The following PGAP2 variants were observed in gnomAD, a reference collection of about 807,000 sequenced individuals.
PGAP2 encodes the protein acyltransferase PGAP2.
PGAP2 carries 21 observed loss-of-function variants against 33.2 expected under a neutral mutation model. That is an observed-to-expected ratio of 0.63 (90% CI 0.45 to 0.91). The LOEUF is 0.91. Among genes scored for constraint, PGAP2 ranks in the 40% least tolerant of loss-of-function variants. The probability of loss-of-function intolerance (pLI) is 0.00; values close to 1 mark genes in which losing one functional copy is unlikely to be tolerated. For missense variants in PGAP2, 345 were observed against 424.0 expected (o/e 0.81, Z 1.64); for synonymous variants, 161 against 172.9 (o/e 0.93, Z 0.54).
At chr11:3,814,810 TTC>T (rs201133403) in intron 2 of PGAP2, among the ~76,000 whole-genome samples, 91 of 123,876 alleles carry the variant, frequency 7.3e-4, no homozygotes, top group African/African-American at 1.9e-3. Context: ...CTTTCTTTCT[TTC>T]TCTTTCTTTC....
chr11:3,798,868 C>T (rs1459725184), intron 1 of PGAP2, among the ~76,000 whole-genome samples: 1 of 152,084 alleles, frequency 6.6e-6, no homozygotes. Context: ...GTCTCGAACT[C>T]CGGAACTCAG....
upstream of PGAP2, among the ~76,000 whole-genome samples, chr11:3,805,976 CG>C (rs983361076): frequency 0.069 from 7 of 102 alleles, no homozygotes; most frequent in African/African-American, 0.11. Flanking sequence ...TGAGCCACCA[CG>C]CCCCCGCGAG....
chr11:3,824,939 C>T (rs2089743875), intron 5 of PGAP2, 81 bp from the exon 6 acceptor site: 1 of 1,594,026 alleles, frequency 6.3e-7, no homozygotes, highest in Non-Finnish European at 8.5e-7. Flanking sequence ...AAGGCCCAGC[C>T]CTTAGGAGTT....
chr11:3,808,510 G>A (rs1366319471), upstream of PGAP2: 5 of 1,397,060 alleles, frequency 3.6e-6, no homozygotes, highest in Non-Finnish European at 9.3e-7. Context: ...GGATCTGGGC[G>A]CAGTTTCCTC....
Position 3,811,505 on chromosome 11 carries a change from A to G in PGAP2, c.165+81A>G, listed in dbSNP as rs1196498772. ...ATCTTGAATATCTTTTAACAAGATT[A>G]GCCAGCTCTCCACTGGGGCCCATCA... On this transcript the variant is annotated intron_variant, in intron 2 of 6. Transcript: ENST00000278243. The surrounding 1 kb of genome is among the most constrained non-coding windows in gnomAD (Gnocchi z 4.6). 4 of 1,354,978 alleles carry G rather than the reference A, an allele frequency of 3.0e-6. No individual in the cohort carries two copies. In the African/African-American group the frequency reaches 4.3e-5, roughly 15 times the overall value. 83.9% of individuals were successfully genotyped at this position (1,354,978 alleles called of 1,614,324 possible). A position where few individuals can be genotyped will look rare whatever the true frequency, so the allele number is the denominator to read the frequency against.
rs1485248986 is a variant in PGAP2, at chr11:3,825,028, G to A, written c.717G>A (p.Lys239=). 4.3e-6 allele frequency: 7 copies of A among 1,614,204 alleles called. No individual in the cohort carries two copies. In the East Asian group the frequency reaches 1.6e-4, roughly 36 times the overall value. ...KKHTVSQEDR[K]SYSWKQRLFI... Reference sequence around the variant, plus strand: ...GACAGCCCATTCCCTAGGATCGCAAGTCCTACAGCTGGAAACAGCGGCTCT... The same window carrying A: ...GACAGCCCATTCCCTAGGATCGCAAATCCTACAGCTGGAAACAGCGGCTCT... Residue 239 remains lysine, a synonymous_variant, in exon 6 of 7, where the codon AAG becomes AAA. Coordinates refer to ENST00000278243, the MANE Select transcript of PGAP2 (RefSeq NM_014489.4).
chr11:3,810,409 T>G (rs993668245), intron 1 of PGAP2, among the ~76,000 whole-genome samples: 1 of 152,206 alleles, frequency 6.6e-6, no homozygotes, highest in African/African-American at 2.4e-5. Context: ...TTCTGTATAC[T>G]GTGCGGAGCT....
At chr11:3,821,929 C>G (rs2088780469) in intron 3 of PGAP2, among the ~76,000 whole-genome samples, 1 of 150,834 alleles carries the variant, frequency 6.6e-6, no homozygotes, top group Non-Finnish European at 1.5e-5. Flanking sequence ...AAAAAATTAG[C>G]CAGGCATGGT....
intron 3 of PGAP2, chr11:3,817,889 C>CA (rs769211190): frequency 4.3e-6 from 2 of 470,222 alleles, no homozygotes; most frequent in South Asian, 3.1e-5. Flanking sequence ...ACAAAAAATG[C>CA]AAAAAAATTA....
chr11:3,823,015 T>TC, intron 3 of PGAP2: 1 of 998,672 alleles, frequency 1.0e-6, no homozygotes, highest in Admixed American at 3.0e-5. Context: ...CCACTTTCTT[T>TC]TTTCTTTTCT....
chr11:3,799,433 C>A (rs1199758709), intron 1 of PGAP2, among the ~76,000 whole-genome samples: 1 of 152,008 alleles, frequency 6.6e-6, no homozygotes, highest in Non-Finnish European at 1.5e-5. Flanking sequence ...AGCTGCTTCT[C>A]GGTTTGCTGA....
At chr11:3,822,086 C>G (rs576327908) in intron 3 of PGAP2, among the ~76,000 whole-genome samples, 2 of 151,466 alleles carry the variant, frequency 1.3e-5, no homozygotes, top group South Asian at 4.2e-4. Context: ...ACAAAACGGC[C>G]GGGCGCAGTG....
At chr11:3,801,188 T>C (rs2083393212) in intron 1 of PGAP2, among the ~76,000 whole-genome samples, 1 of 151,834 alleles carries the variant, frequency 6.6e-6, no homozygotes, top group Non-Finnish European at 1.5e-5. Context: ...AATTTCCTAA[T>C]CCCTCTGAAC....
chr11:3,799,925 G>A (rs184581353), intron 1 of PGAP2, among the ~76,000 whole-genome samples: 1 of 152,232 alleles, frequency 6.6e-6, no homozygotes, highest in East Asian at 1.9e-4. Context: ...TGTGATTACA[G>A]TCATGCCACT....
chr11:3,800,958 C>A (rs533851705), intron 1 of PGAP2, among the ~76,000 whole-genome samples: 1 of 150,954 alleles, frequency 6.6e-6, no homozygotes, highest in Non-Finnish European at 1.5e-5. Flanking sequence ...CATGGTGAAA[C>A]CCTGTCTCTA....
chr11:3,813,703 A>C (rs928103364), intron 2 of PGAP2, among the ~76,000 whole-genome samples: 7 of 152,166 alleles, frequency 4.6e-5, no homozygotes, highest in African/African-American at 1.7e-4. Context: ...TGGTTGAATA[A>C]ATGATTAAGA....
chr11:3,802,874 T>G (rs952250963), intron 1 of PGAP2, among the ~76,000 whole-genome samples: 2 of 150,662 alleles, frequency 1.3e-5, no homozygotes, highest in Non-Finnish European at 3.0e-5. Flanking sequence ...TTGCCTAGGC[T>G]GGAGTGCAGT....
At chr11:3,803,288 CG>C (rs2083767710) in intron 1 of PGAP2, among the ~76,000 whole-genome samples, 1 of 110,318 alleles carries the variant, frequency 9.1e-6, no homozygotes, top group Non-Finnish European at 2.2e-5. Flanking sequence ...CCACCACACC[CG>C]GCCCTGTTTT....
In PGAP2 at chr11:3,814,710, GC is replaced by G. The variant is rs572059146; in HGVS notation, c.166-2640del. Among the ~76,000 whole-genome samples, 509 of 146,064 alleles carry G rather than the reference GC, an allele frequency of 3.5e-3. 1 individual carries two copies. The highest frequency in any genetic ancestry group is 7.5e-3 in the Admixed American group (110 of 14,696). On this transcript the variant is annotated intron_variant, in intron 2 of 6. Transcript: ENST00000278243. ...TTACAGGCTTGAGCCACTGTGCCTA[GC>G]CCAAGCTTTTTCTTTCCTTCTTTCC...
Sources: allele counts gnomAD v4.1 joint callset (sites outside exome capture counted in the v4.1 genomes callset), GRCh38; gene constraint gnomAD v4.1.1; non-coding constraint Gnocchi (gnomAD v3.1); transcripts MANE v1.5; gene names NCBI Gene and HGNC (gene_info 2026-07-23, HGNC 2026-07-21).